TTLL11: variants seen among roughly 807,000 people sequenced by gnomAD.
The protein encoded by TTLL11 is tubulin polyglutamylase TTLL11.
TTLL11 carries 42 observed loss-of-function variants against 51.7 expected under a neutral mutation model. That is an observed-to-expected ratio of 0.81 (90% CI 0.64 to 1.05). TTLL11 has a LOEUF of 1.05. TTLL11 is among the 50% of genes least tolerant of loss of function. The pLI, the probability that TTLL11 is intolerant of heterozygous loss-of-function variation, is 0.00. For missense variants in TTLL11, 799 were observed against 940.4 expected, an observed-to-expected ratio of 0.85 and a Z score of 1.97; for synonymous variants, 381 against 383.5, an observed-to-expected ratio of 0.99 and a Z score of 0.08.
intron 2 of TTLL11, among the ~76,000 whole-genome samples, chr9:122,035,361 G>T (rs1353485043): frequency 6.6e-6 from 1 of 152,132 alleles, no homozygotes. Flanking sequence ...TGACACCAAG[G>T]GCTTACCTCC....
intron 6 of TTLL11, among the ~76,000 whole-genome samples, chr9:121,946,951 A>G (rs1391861872): frequency 6.6e-6 from 1 of 152,018 alleles, no homozygotes; most frequent in Non-Finnish European, 1.5e-5. Flanking sequence ...GGGACCCCTG[A>G]CCTCTGCCGC....
chr9:121,825,830 A>G (rs1486777307), intron 8 of TTLL11, among the ~76,000 whole-genome samples: 1 of 151,596 alleles, frequency 6.6e-6, no homozygotes, highest in East Asian at 1.9e-4. Context: ...GAAAACATAC[A>G]ATGAGGGCCA....
chr9:121,953,547 G>A (rs1021064201), intron 6 of TTLL11, among the ~76,000 whole-genome samples: 3 of 150,046 alleles, frequency 2.0e-5, no homozygotes, highest in African/African-American at 7.4e-5. Flanking sequence ...CATAAGAGTT[G>A]CCTGAACCCA....
In TTLL11 at chr9:121,895,563, CTG is replaced by C. The variant is rs1448862794; in HGVS notation, c.1482-24817_1482-24816del. On this transcript the variant is annotated intron_variant, in intron 6 of 8. Coordinates refer to ENST00000321582, the MANE Select transcript of TTLL11 (RefSeq NM_001139442.2). ...TGTTTCGTTGTACATATGTGTGTGT[CTG>C]TGTGGTTGTGTGTTTGTGTGACTGT... 3.2e-4 allele frequency among the ~76,000 whole-genome samples: 46 copies of C among 145,690 alleles called. 1 individual carries two copies. In the South Asian group the frequency reaches 7.7e-3, roughly 25 times the overall value.
chr9:122,081,384 G>T (rs1295561187), intron 1 of TTLL11, among the ~76,000 whole-genome samples: 1 of 152,182 alleles, frequency 6.6e-6, no homozygotes, highest in Non-Finnish European at 1.5e-5. Context: ...TTACCTATAT[G>T]ATTAACATGG....
At chr9:121,944,851 T>G (rs1030207369) in intron 6 of TTLL11, among the ~76,000 whole-genome samples, 2 of 152,196 alleles carry the variant, frequency 1.3e-5, no homozygotes, top group Admixed American at 6.5e-5. Context: ...CAAAATCCCG[T>G]GAGAAATCGA....
At chr9:121,866,158 G>A (rs547177009) in intron 7 of TTLL11, among the ~76,000 whole-genome samples, 5 of 152,274 alleles carry the variant, frequency 3.3e-5, no homozygotes, top group African/African-American at 1.2e-4. Flanking sequence ...CACTTGGTTC[G>A]ATTTAACATA....
rs1837155226 is a variant in TTLL11, at chr9:121,835,377, G to A, written c.1841-12498C>T. 2.6e-5 allele frequency among the ~76,000 whole-genome samples: 4 copies of A among 152,120 alleles called. No individual in the cohort carries two copies. In the South Asian group the frequency reaches 8.3e-4, roughly 32 times the overall value. On this transcript the variant is annotated intron_variant, in intron 8 of 8. Coordinates refer to ENST00000321582, the MANE Select transcript of TTLL11 (RefSeq NM_001139442.2). ...CCCAAGGTCACACTACTGGAGAGTG[G>A]TAAGTGGTGGTGCTGCTCCCTACCA...
At chr9:121,842,758 A>G (rs1427393999) in intron 8 of TTLL11, among the ~76,000 whole-genome samples, 1 of 152,212 alleles carries the variant, frequency 6.6e-6, no homozygotes, top group African/African-American at 2.4e-5. Flanking sequence ...CTTGGGTTAA[A>G]TGAGTAAGCC....
intron 6 of TTLL11, among the ~76,000 whole-genome samples, chr9:121,899,393 A>ATG (rs1564295475): frequency 1.6e-5 from 2 of 127,908 alleles, no homozygotes; most frequent in East Asian, 2.6e-4. Context: ...ATATATATAT[A>ATG]TATATATATA....
chr9:122,027,509 G>C (rs1844383149), intron 3 of TTLL11, among the ~76,000 whole-genome samples: 1 of 152,160 alleles, frequency 6.6e-6, no homozygotes, highest in South Asian at 2.1e-4. Context: ...TGCAAATAAA[G>C]AGCATAGGTT....
intron 8 of TTLL11, among the ~76,000 whole-genome samples, chr9:121,830,247 T>C (rs180673535): frequency 1.6e-4 from 24 of 152,318 alleles, no homozygotes; most frequent in Non-Finnish European, 3.1e-4. Flanking sequence ...GAAACCGCAA[T>C]GATCCAGACC....
intron 7 of TTLL11, among the ~76,000 whole-genome samples, chr9:121,863,331 A>T (rs1191901445): frequency 6.6e-6 from 1 of 152,230 alleles, no homozygotes; most frequent in African/African-American, 2.4e-5. Context: ...CATTAGGAAC[A>T]GCCACAGTGT....
At chr9:121,851,948 A>G (rs996376190) in intron 8 of TTLL11, among the ~76,000 whole-genome samples, 2 of 152,194 alleles carry the variant, frequency 1.3e-5, no homozygotes, top group African/African-American at 4.8e-5. Context: ...AGCTCTGCCC[A>G]ATTCTCAGGC....
At chr9:121,985,386 C>T (rs536611479) in intron 4 of TTLL11, among the ~76,000 whole-genome samples, 3 of 152,086 alleles carry the variant, frequency 2.0e-5, no homozygotes, top group Non-Finnish European at 2.9e-5. Flanking sequence ...AGAACCTAAC[C>T]GGGTCCCTTA....
rs181906363 is a variant in TTLL11, at chr9:121,867,509, T to C, written c.1733+2988A>G. 3.4e-3 allele frequency among the ~76,000 whole-genome samples: 516 copies of C among 152,294 alleles called. 2 individuals carry two copies. The highest frequency in any genetic ancestry group is 0.012 in the African/African-American group (490 of 41,556). On this transcript the variant is annotated intron_variant, in intron 7 of 8. Coordinates refer to ENST00000321582, the MANE Select transcript of TTLL11 (RefSeq NM_001139442.2). Reference sequence around the variant, plus strand: ...CTCTCTCGAATCTGCCCCTCTCTCTTCTCTATGGGTAGGACTTTATTAGAA... The same window carrying C: ...CTCTCTCGAATCTGCCCCTCTCTCTCCTCTATGGGTAGGACTTTATTAGAA...
Position 121,989,562 on chromosome 9 carries a change from T to C in TTLL11, c.902A>G (p.Tyr301Cys), listed in dbSNP as rs750726908. 1.9e-6 allele frequency: 3 copies of C among 1,613,980 alleles called. No homozygotes were observed. Among genetic ancestry groups the C allele is most frequent in the East Asian group, 2.2e-5 (1 of 44,886 alleles). The change falls in exon 4 of 9, where the codon TAT becomes TGT. Residue 301 changes from tyrosine (Y) to cysteine (C), a missense_variant. By Grantham distance (194) the Tyr-to-Cys change is radical. Transcript: ENST00000321582. The surrounding 1 kb of genome is among the most constrained non-coding windows in gnomAD (Gnocchi z 4.2). ...IDKLKFDIRL[Y>C]VLLKSLDPLE... is the part of the protein sequence containing the mutation. Reference sequence around the variant, plus strand: ...GGGGTCTAAGGACTTGAGTAAGACATACAGACGAATATCAAACTTGAGCTT... The same window carrying C: ...GGGGTCTAAGGACTTGAGTAAGACACACAGACGAATATCAAACTTGAGCTT...
At chr9:121,840,348 A>T (rs1837313862) in intron 8 of TTLL11, among the ~76,000 whole-genome samples, 1 of 152,174 alleles carries the variant, frequency 6.6e-6, no homozygotes, top group Non-Finnish European at 1.5e-5. Context: ...CTACCGATGG[A>T]TGCACAGGCT....
chr9:121,821,322 C>G lies in TTLL11; in HGVS notation c.*1265G>C, dbSNP rs1256340159. On this transcript the variant is annotated 3_prime_UTR_variant, in exon 9 of 9. Transcript: ENST00000321582. This position sits in a 1 kb window ranked among gnomAD's most constrained non-coding sequence, Gnocchi z 5.0. ...CCTTGCCACGCACTACGAGCATTTT[C>G]TGAGTCCTACAGTGCACCACACCAG... Among the ~76,000 whole-genome samples, 1 of 152,160 alleles carries G rather than the reference C, an allele frequency of 6.6e-6. No individual in the cohort carries two copies. The highest frequency in any genetic ancestry group is 2.4e-5 in the African/African-American group (1 of 41,426).
Sources: allele counts gnomAD v4.1 joint callset (sites outside exome capture counted in the v4.1 genomes callset), GRCh38; gene constraint gnomAD v4.1.1; non-coding constraint Gnocchi (gnomAD v3.1); transcripts MANE v1.5; gene names NCBI Gene and HGNC (gene_info 2026-07-23, HGNC 2026-07-21).